The following TAB3 variants were observed in gnomAD, a reference collection of about 807,000 sequenced individuals.
TAB3 encodes TGF-beta activated kinase 1 (MAP3K7) binding protein 3, also known as TGF-beta-activated kinase 1 and MAP3K7-binding protein 3.
TAB3 carries 18 observed loss-of-function variants against 48.1 expected under a neutral mutation model. That is an observed-to-expected ratio of 0.37 (90% CI 0.26 to 0.55). The LOEUF is 0.55. Ranked by LOEUF, TAB3 falls within the 20% of genes least tolerant of loss-of-function variation. The pLI, the probability that TAB3 is intolerant of heterozygous loss-of-function variation, is 0.78. For synonymous variants in TAB3, 185 were observed against 190.2 expected (o/e 0.97, Z 0.22); for missense variants, 414 against 549.8 (o/e 0.75, Z 2.47).
chrX:30,828,211 T>C lies in TAB3; in HGVS notation c.*3216A>G, dbSNP rs771892772. On this transcript the variant is annotated 3_prime_UTR_variant, in exon 11 of 11. Transcript: ENST00000288422. Reference sequence around the variant, plus strand: ...ACATTACAATTACCTCTTAAAAGACTATATAAAATTGAATTGCCACAGAAG... The same window carrying C: ...ACATTACAATTACCTCTTAAAAGACCATATAAAATTGAATTGCCACAGAAG... 1 of 113,912 alleles carries C rather than the reference T, an allele frequency of 8.8e-6. No homozygotes were observed. The highest frequency in any genetic ancestry group is 3.2e-5 in the African/African-American group (1 of 31,001). The allele number at this position is 113,912 out of a possible 1,213,427, so 9.4% of individuals were successfully genotyped here.
At chrX:30,876,433 G>C (rs1939837455) in intron 1 of TAB3, among the ~76,000 whole-genome samples, 2 of 112,352 alleles carry the variant, frequency 1.8e-5, no homozygotes, top group Non-Finnish European at 1.9e-5. Flanking sequence ...AATTATGCTT[G>C]CTATGTTCAA....
Position 30,831,276 on chromosome X carries a change from G to A in TAB3, c.*151C>T, listed in dbSNP as rs1021773525. 8 of 621,169 alleles carry A rather than the reference G, an allele frequency of 1.3e-5. No homozygotes were observed. The highest frequency in any genetic ancestry group is 4.4e-5 in the Admixed American group (1 of 22,807). The allele number at this position is 621,169 out of a possible 1,213,427, so 51.2% of individuals were successfully genotyped here. On this transcript the variant is annotated 3_prime_UTR_variant, in exon 11 of 11. Transcript: ENST00000288422. ...AAAAGACCTCCCCATTTTTCCTTTCGTGAGCACAACGACGACCACAAAGCC... is the reference window on the plus strand; with the variant it reads ...AAAAGACCTCCCCATTTTTCCTTTCATGAGCACAACGACGACCACAAAGCC...
chrX:30,878,276 A>G (rs1183955032), intron 1 of TAB3, among the ~76,000 whole-genome samples: 1 of 111,257 alleles, frequency 9.0e-6, no homozygotes, highest in African/African-American at 3.3e-5. Context: ...GAATCACTTG[A>G]GGTCAGGAGT....
rs1344396150 is a variant in TAB3, at chrX:30,829,108, T to G, written c.*2319A>C. ...TTTACACCTATCCAATAGACTGTTT[T>G]CTCTCTTTTCCTGGCAGGTGAAAAC... is the stretch of plus-strand genomic sequence containing the variant. On this transcript the variant is annotated 3_prime_UTR_variant, in exon 11 of 11. Coordinates refer to ENST00000288422, the MANE Select transcript of TAB3 (RefSeq NM_152787.5). 8.9e-6 allele frequency: 1 copy of G among 112,464 alleles called. No individual in the cohort carries two copies. Among genetic ancestry groups the G allele is most frequent in the Non-Finnish European group, 1.9e-5 (1 of 53,264 alleles). The allele number at this position is 112,464 out of a possible 1,213,427, so 9.3% of individuals were successfully genotyped here.
At chrX:30,888,511 G>T (rs1305266209) in intron 1 of TAB3, among the ~76,000 whole-genome samples, 1 of 112,236 alleles carries the variant, frequency 8.9e-6, no homozygotes, top group Non-Finnish European at 1.9e-5. Flanking sequence ...CTGGCACACG[G>T]TAGTAAACTA....
intron 8 of TAB3, chrX:30,844,147 A>C (rs963793634): frequency 3.6e-5 from 4 of 111,072 alleles, no homozygotes; most frequent in African/African-American, 1.3e-4. Flanking sequence ...TTTAGATTGG[A>C]AACTCAGTAT....
At chrX:30,832,283 G>C (rs1238017525) in intron 10 of TAB3, among the ~76,000 whole-genome samples, 1 of 111,946 alleles carries the variant, frequency 8.9e-6, no homozygotes, top group East Asian at 2.8e-4. Flanking sequence ...CCCAGGATTT[G>C]AAAAAGATAT....
intron 5 of TAB3, among the ~76,000 whole-genome samples, chrX:30,857,970 G>A (rs1466371788): frequency 1.8e-5 from 2 of 111,635 alleles, no homozygotes; most frequent in East Asian, 5.6e-4. Context: ...ACCCCAGAGT[G>A]AGGCTCTAAG....
At chrX:30,842,231 G>A (rs1386605699) in intron 9 of TAB3, among the ~76,000 whole-genome samples, 1 of 111,845 alleles carries the variant, frequency 8.9e-6, no homozygotes, top group Non-Finnish European at 1.9e-5. Flanking sequence ...GGTTATATAG[G>A]ATTTCTTTTG....
At chrX:30,846,005 A>G in intron 8 of TAB3, 1 of 1,017,753 alleles carries the variant, frequency 9.8e-7, no homozygotes, top group Non-Finnish European at 1.3e-6. Flanking sequence ...ACAGAAAATG[A>G]AGACCATCTC....
chrX:30,858,962 T>C (rs1021469540), intron 5 of TAB3, among the ~76,000 whole-genome samples: 1 of 111,773 alleles, frequency 8.9e-6, no homozygotes, highest in Non-Finnish European at 1.9e-5. Flanking sequence ...CTAAAGACTT[T>C]TAAAAAAAGA....
chrX:30,857,576 T>C (rs1334361710), intron 5 of TAB3, among the ~76,000 whole-genome samples: 2 of 111,325 alleles, frequency 1.8e-5, no homozygotes, highest in Non-Finnish European at 3.8e-5. Flanking sequence ...TACACTGAGT[T>C]AGCCTACTTA....
chrX:30,878,515 A>AG (rs1939905993), intron 1 of TAB3, among the ~76,000 whole-genome samples: 7 of 85,256 alleles, frequency 8.2e-5, no homozygotes, highest in South Asian at 5.9e-4. Flanking sequence ...AAAAAAAAAA[A>AG]AAAAGAAAGA....
chrX:30,831,749 G>C (rs1022220480), intron 10 of TAB3, among the ~76,000 whole-genome samples, 174 bp from the exon 11 acceptor site: 2 of 112,239 alleles, frequency 1.8e-5, no homozygotes, highest in African/African-American at 6.5e-5. Context: ...TGAACAGAAA[G>C]TTGATCTTTT....
At chrX:30,834,722 G>C (rs779106879) in intron 9 of TAB3, 1 of 110,922 alleles carries the variant, frequency 9.0e-6, no homozygotes, top group South Asian at 3.9e-4. Flanking sequence ...CTGGGCTCAA[G>C]TGATCCTCCT....
intron 9 of TAB3, among the ~76,000 whole-genome samples, chrX:30,840,036 C>A (rs1938386902): frequency 9.4e-6 from 1 of 106,814 alleles, no homozygotes; most frequent in Admixed American, 1.0e-4. Flanking sequence ...AATCTGTCCA[C>A]TTTATCTAAG....
At chrX:30,851,792 G>C (rs1439459735) in intron 7 of TAB3, among the ~76,000 whole-genome samples, 1 of 111,971 alleles carries the variant, frequency 8.9e-6, no homozygotes. Context: ...CATGGAAAAA[G>C]TAGAGGTTAA....
intron 7 of TAB3, among the ~76,000 whole-genome samples, chrX:30,848,004 T>C (rs1466961346): frequency 8.9e-6 from 1 of 112,545 alleles, no homozygotes; most frequent in African/African-American, 3.2e-5. Context: ...AATATTCAAA[T>C]AGTTTAAAAT....
intron 9 of TAB3, among the ~76,000 whole-genome samples, chrX:30,841,111 C>A (rs1938423626): frequency 8.9e-6 from 1 of 112,594 alleles, no homozygotes; most frequent in South Asian, 3.6e-4. Flanking sequence ...TAAGATGATT[C>A]TTTGTGCCAT....
Sources: gnomAD v4.1 joint callset for allele counts (sites outside exome capture counted in the v4.1 genomes callset) on GRCh38, gnomAD v4.1.1 for gene constraint, MANE v1.5 for transcripts, NCBI Gene and HGNC (gene_info 2026-07-23, HGNC 2026-07-21) for gene names.